UNC13B: variants seen among roughly 807,000 people sequenced by gnomAD.
UNC13B encodes the protein protein unc-13 homolog B.
In UNC13B, 144 loss-of-function variants were observed where a neutral mutation model predicts 211.0. The ratio of observed to expected loss-of-function variants is 0.68; its 90% CI spans 0.60 to 0.78. The LOEUF is 0.78. UNC13B is among the 30% of genes least tolerant of loss of function. The pLI is 0.00. For missense variants in UNC13B, 1,777 were observed against 2,002.0 expected (o/e 0.89, Z 2.14); for synonymous variants, 709 against 725.8 (o/e 0.98, Z 0.37).
chr9:35,395,652 T>G (rs1468748745), intron 26 of UNC13B, among the ~76,000 whole-genome samples: 4 of 152,240 alleles, frequency 2.6e-5, no homozygotes, highest in African/African-American at 9.6e-5. Flanking sequence ...GCTTCAACTA[T>G]GAAGCGGGTA....
rs150677218 is a variant in UNC13B, at chr9:35,340,907, G to A, written c.9415-26040G>A. Among the ~76,000 whole-genome samples the A allele has an allele frequency of 2.0e-4, 31 of 152,226 alleles. No homozygotes were observed. The East Asian group carries it at 5.2e-3, about 26-fold the overall frequency. ...CTTCAAGGGGTCCTGGCTTGTGCTC[G>A]GACATTATGTTGCAGTGAACAACTT... On this transcript the variant is annotated intron_variant, in intron 11 of 39. Coordinates refer to ENST00000635942, the MANE Select transcript of UNC13B (RefSeq NM_001371189.2).
chr9:35,205,895 G>T (rs991440120), intron 1 of UNC13B, among the ~76,000 whole-genome samples: 4 of 111,644 alleles, frequency 3.6e-5, no homozygotes, highest in African/African-American at 1.2e-4. Flanking sequence ...TTTAAAACTT[G>T]AGGTGAGGCT....
intron 11 of UNC13B, among the ~76,000 whole-genome samples, chr9:35,315,752 G>A (rs562586878): frequency 1.3e-5 from 2 of 152,224 alleles, no homozygotes; most frequent in South Asian, 2.1e-4. Context: ...GCATTTAGTC[G>A]TGATATCTCT....
chr9:35,259,804 G>GGC lies in UNC13B; in HGVS notation c.526+755_526+756insCG, dbSNP rs1554693373. Among the ~76,000 whole-genome samples, 347 of 144,594 alleles carry GGC rather than the reference G, an allele frequency of 2.4e-3. 8 individuals carry two copies. The highest frequency in any genetic ancestry group is 8.6e-3 in the African/African-American group (336 of 38,864). 94.9% of individuals were successfully genotyped at this position (144,594 alleles called of 152,430 possible). On this transcript the variant is annotated intron_variant, in intron 7 of 39. Transcript: ENST00000635942. ...GTGTGTGTAGGGGGATGCGGGGGGG[G>GGC]GGGATTTTGATACTTTTGTGTTGCT...
intron 1 of UNC13B, among the ~76,000 whole-genome samples, chr9:35,176,115 C>T (rs577845026): frequency 6.6e-6 from 1 of 150,684 alleles, no homozygotes; most frequent in African/African-American, 2.4e-5. Flanking sequence ...AGGGGAAAGT[C>T]AAGATGAGAT....
chr9:35,389,838 G>A lies in UNC13B; in HGVS notation c.11095-8G>A, dbSNP rs1163196671. 5.0e-6 allele frequency: 8 copies of A among 1,613,890 alleles called. No individual in the cohort carries two copies. In the African/African-American group the frequency reaches 6.7e-5, roughly 13 times the overall value. ...CTCCCTCTCTCTCACTGTGTCCTCTGGATCAAGAAGCAGGAGCTACCTCCA... is the reference window on the plus strand; with the variant it reads ...CTCCCTCTCTCTCACTGTGTCCTCTAGATCAAGAAGCAGGAGCTACCTCCA... On this transcript the variant is annotated splice_polypyrimidine_tract_variant and splice_region_variant and intron_variant, in intron 24 of 39. Transcript: ENST00000635942.
At chr9:35,367,079 A>G in intron 12 of UNC13B, 86 bp downstream of exon 12, 1 of 1,295,498 alleles carries the variant, frequency 7.7e-7, no homozygotes, top group Non-Finnish European at 1.1e-6. Context: ...CAGGGGAACC[A>G]GCTTCATAAG....
intron 8 of UNC13B, among the ~76,000 whole-genome samples, chr9:35,299,917 T>C (rs760944982): frequency 6.6e-6 from 1 of 152,206 alleles, no homozygotes; most frequent in Non-Finnish European, 1.5e-5. Context: ...CTTTCTCTGA[T>C]GTTGACTATG....
intron 7 of UNC13B, among the ~76,000 whole-genome samples, chr9:35,262,072 T>G (rs1258269208): frequency 6.6e-6 from 1 of 152,182 alleles, no homozygotes; most frequent in Non-Finnish European, 1.5e-5. Context: ...TTGCGAACAT[T>G]GCTGCAACAA....
chr9:35,253,199 T>C (rs986536711), intron 6 of UNC13B, among the ~76,000 whole-genome samples: 2 of 152,176 alleles, frequency 1.3e-5, no homozygotes, highest in African/African-American at 4.8e-5. Flanking sequence ...TGGAGTGCAA[T>C]GGCACAATCA....
intron 7 of UNC13B, among the ~76,000 whole-genome samples, chr9:35,265,413 T>C (rs1038385896): frequency 5.9e-5 from 9 of 152,200 alleles, no homozygotes; most frequent in Non-Finnish European, 8.8e-5. Flanking sequence ...CCAAACCTTA[T>C]GGGAACATTG....
chr9:35,310,113 AC>A (rs1454628671), intron 9 of UNC13B, among the ~76,000 whole-genome samples: 1 of 152,226 alleles, frequency 6.6e-6, no homozygotes, highest in African/African-American at 2.4e-5. Context: ...CAGCCACTGG[AC>A]AAGCTTCTTT....
intron 1 of UNC13B, among the ~76,000 whole-genome samples, chr9:35,162,640 G>A (rs931182903): frequency 2.0e-5 from 3 of 152,120 alleles, no homozygotes; most frequent in Non-Finnish European, 4.4e-5. Context: ...GTGAATGGTG[G>A]GCAGCCTCTC....
intron 11 of UNC13B, among the ~76,000 whole-genome samples, chr9:35,317,828 C>G (rs1305493545): frequency 1.3e-5 from 2 of 151,666 alleles, no homozygotes; most frequent in East Asian, 3.9e-4. Context: ...TGAGCCACCA[C>G]GCCTGGCCTA....
intron 11 of UNC13B, among the ~76,000 whole-genome samples, chr9:35,323,045 A>G (rs1324052321): frequency 6.6e-6 from 1 of 151,808 alleles, no homozygotes; most frequent in East Asian, 1.9e-4. Context: ...CAGTTTTCCT[A>G]CTTCAGATTC....
intron 26 of UNC13B, among the ~76,000 whole-genome samples, chr9:35,392,132 T>A (rs1247966395): frequency 6.6e-6 from 1 of 152,204 alleles, no homozygotes; most frequent in African/African-American, 2.4e-5. Flanking sequence ...GATGATAGCA[T>A]CTGTTTCTTT....
At chr9:35,359,857 T>C (rs1322386413) in intron 11 of UNC13B, among the ~76,000 whole-genome samples, 2 of 152,212 alleles carry the variant, frequency 1.3e-5, no homozygotes, top group Non-Finnish European at 2.9e-5. Context: ...CTCTACAGTC[T>C]GTTCTCCTCA....
intron 1 of UNC13B, among the ~76,000 whole-genome samples, chr9:35,197,830 G>A (rs1003560580): frequency 6.6e-6 from 1 of 152,162 alleles, no homozygotes; most frequent in African/African-American, 2.4e-5. Context: ...ATGATCCTAA[G>A]TTTCCTGAGG....
At chr9:35,403,672 C>T (rs1270051114) in intron 39 of UNC13B, 73 bp downstream of exon 39, 39 of 1,201,884 alleles carry the variant, frequency 3.2e-5, no homozygotes, top group South Asian at 7.6e-5. Flanking sequence ...GAGGAGGGCC[C>T]GGGGGGATGG....
Sources: allele counts gnomAD v4.1 joint callset (sites outside exome capture counted in the v4.1 genomes callset), GRCh38; gene constraint gnomAD v4.1.1; transcripts MANE v1.5; gene names NCBI Gene and HGNC (gene_info 2026-07-23, HGNC 2026-07-21).